DMD: variants seen among roughly 807,000 people sequenced by gnomAD.
DMD encodes the protein dystrophin.
In DMD, 63 loss-of-function variants were observed where a neutral mutation model predicts 330.1. The ratio of observed to expected loss-of-function variants is 0.19; its 90% CI spans 0.16 to 0.24. The LOEUF is 0.24. Ranked by LOEUF, DMD falls within the 10% of genes least tolerant of loss-of-function variation. DMD has a pLI of 1.00. For missense variants in DMD, 3,344 were observed against 2,684.1 expected (o/e 1.25, Z -5.43); for synonymous variants, 1,223 against 959.8 (o/e 1.27, Z -5.07).
At chrX:32,957,645 T>C (rs2091668252) in intron 2 of DMD, among the ~76,000 whole-genome samples, 1 of 111,701 alleles carries the variant, frequency 9.0e-6, no homozygotes, top group Non-Finnish European at 1.9e-5. Flanking sequence ...TGACAGATAT[T>C]GTGATTTAAG....
chrX:33,329,861 G>T (rs1164530991), intron 1 of DMD, among the ~76,000 whole-genome samples: 1 of 111,328 alleles, frequency 9.0e-6, no homozygotes, highest in Non-Finnish European at 1.9e-5. Flanking sequence ...AATTCATGAA[G>T]CTGGACACCT....
chrX:33,072,519 A>C, intron 1 of DMD, among the ~76,000 whole-genome samples: 1 of 112,354 alleles, frequency 8.9e-6, no homozygotes, highest in Non-Finnish European at 1.9e-5. Flanking sequence ...GTCTAAAAGT[A>C]ATTCCTGAGA....
At chrX:33,079,846 CA>C (rs1278529181) in intron 1 of DMD, among the ~76,000 whole-genome samples, 1 of 111,385 alleles carries the variant, frequency 9.0e-6, no homozygotes, top group Non-Finnish European at 1.9e-5. Context: ...CTTAGCTTTC[CA>C]AACAAGACCC....
intron 1 of DMD, among the ~76,000 whole-genome samples, chrX:33,185,182 C>T (rs370845235): frequency 4.5e-5 from 5 of 110,697 alleles, no homozygotes; most frequent in African/African-American, 1.6e-4. Context: ...CAAAGAAAAA[C>T]GTAAATAAAA....
chrX:31,277,919 G>T (rs2147857895), intron 62 of DMD, among the ~76,000 whole-genome samples: 1 of 109,441 alleles, frequency 9.1e-6, no homozygotes, highest in Non-Finnish European at 1.9e-5. Flanking sequence ...CACAATCTGG[G>T]TAACAGGTCA....
chrX:32,975,674 T>G (rs2092529722), intron 2 of DMD, among the ~76,000 whole-genome samples: 1 of 111,085 alleles, frequency 9.0e-6, no homozygotes, highest in Non-Finnish European at 1.9e-5. Flanking sequence ...TTCCTTCTTC[T>G]TGCTTCCTTT....
chrX:32,348,927 T>C (rs1025109511), intron 37 of DMD, among the ~76,000 whole-genome samples: 2 of 111,513 alleles, frequency 1.8e-5, no homozygotes, highest in Non-Finnish European at 3.8e-5. Context: ...AACAGTAACC[T>C]CAGGTAGAAA....
intron 7 of DMD, among the ~76,000 whole-genome samples, chrX:32,793,975 G>T (rs751655981): frequency 9.0e-6 from 1 of 111,575 alleles, no homozygotes; most frequent in East Asian, 2.8e-4. Context: ...GAACACTGAT[G>T]TAGAAATTCT....
chrX:32,858,624 G>A (rs1445097709), intron 2 of DMD, among the ~76,000 whole-genome samples: 1 of 111,486 alleles, frequency 9.0e-6, no homozygotes, highest in Non-Finnish European at 1.9e-5. Context: ...CATCACACCT[G>A]GACTTATGTA....
rs58019410 is a variant in DMD, at chrX:32,310,488, T to C, written c.5923-212A>G. ...TCCAGAAAGTGTTAAAAGCATTTCA[T>C]AATAAGTGACACACACATATTAGCA... On this transcript the variant is annotated intron_variant, in intron 41 of 78. Transcript: ENST00000357033. Among the ~76,000 whole-genome samples the C allele has an allele frequency of 0.012, 1,382 of 111,275 alleles. 24 individuals carry two copies. The highest frequency in any genetic ancestry group is 0.093 in the East Asian group (324 of 3,486).
intron 50 of DMD, among the ~76,000 whole-genome samples, chrX:31,803,776 C>T (rs181607161): frequency 6.4e-5 from 7 of 109,510 alleles, no homozygotes; most frequent in Middle Eastern, 4.6e-3. Context: ...CTTGGCTCAC[C>T]GCAACCTCCA....
intron 1 of DMD, among the ~76,000 whole-genome samples, chrX:33,172,663 G>A (rs1272784336): frequency 8.9e-6 from 1 of 111,911 alleles, no homozygotes; most frequent in Non-Finnish European, 1.9e-5. Flanking sequence ...TTACACTCCC[G>A]TGGTAGTATC....
At chrX:32,431,088 T>G (rs2098236379) in intron 29 of DMD, among the ~76,000 whole-genome samples, 1 of 111,658 alleles carries the variant, frequency 9.0e-6, no homozygotes, top group Non-Finnish European at 1.9e-5. Context: ...AGAAGTGGAA[T>G]TGCTGGATCA....
intron 49 of DMD, among the ~76,000 whole-genome samples, chrX:31,835,969 T>C (rs758400207): frequency 2.9e-4 from 32 of 111,972 alleles, no homozygotes; most frequent in Non-Finnish European, 3.8e-4. Flanking sequence ...ATTATAATTC[T>C]GGTCAGGTAC....
intron 55 of DMD, among the ~76,000 whole-genome samples, chrX:31,542,318 A>G (rs2147644524): frequency 8.9e-6 from 1 of 112,036 alleles, no homozygotes; most frequent in Non-Finnish European, 1.9e-5. Context: ...TTCCAGGAAG[A>G]CGGAATGGCA....
At chrX:31,430,448 G>A (rs1453032972) in intron 60 of DMD, among the ~76,000 whole-genome samples, 2 of 111,507 alleles carry the variant, frequency 1.8e-5, no homozygotes, top group South Asian at 3.8e-4. Flanking sequence ...GAAAGGCAGC[G>A]ATAATGACCA....
intron 29 of DMD, among the ~76,000 whole-genome samples, chrX:32,414,400 C>T (rs138246727): frequency 8.1e-4 from 91 of 111,894 alleles, no homozygotes; most frequent in African/African-American, 2.8e-3. Flanking sequence ...GAATATGTTA[C>T]GGGATGGCTA....
rs1490746337 is a variant in DMD, at chrX:33,237,405, G to A, written c.7+101854C>T. Reference sequence around the variant, plus strand: ...ATTACAGGCGTGTGCCACCACGCCCGGCTAATTTTGTATTTTTTTAGTAGA... The same window carrying A: ...ATTACAGGCGTGTGCCACCACGCCCAGCTAATTTTGTATTTTTTTAGTAGA... On this transcript the variant is annotated intron_variant, in intron 1 of 17. Transcript: ENST00000288447. Among the ~76,000 whole-genome samples, 8 of 109,512 alleles carry A rather than the reference G, an allele frequency of 7.3e-5. No individual in the cohort carries two copies. The East Asian group carries it at 1.2e-3, about 16-fold the overall frequency.
intron 40 of DMD, 139 bp downstream of exon 40, chrX:32,342,995 C>T: frequency 3.2e-6 from 2 of 623,380 alleles, no homozygotes; most frequent in Non-Finnish European, 5.2e-6. Context: ...TTACTGAAAA[C>T]AACACACAAT....
Sources: allele counts gnomAD v4.1 joint callset (sites outside exome capture counted in the v4.1 genomes callset), GRCh38; gene constraint gnomAD v4.1.1; transcripts MANE v1.5; gene names NCBI Gene and HGNC (gene_info 2026-07-23, HGNC 2026-07-21).